POLR3A: variants seen among roughly 807,000 people sequenced by gnomAD.
The protein encoded by POLR3A is DNA-directed RNA polymerase III subunit RPC1.
In POLR3A, 112 loss-of-function variants were observed where a neutral mutation model predicts 152.8. The ratio of observed to expected loss-of-function variants is 0.73; its 90% CI spans 0.63 to 0.86. The LOEUF is 0.86. POLR3A is among the 40% of genes least tolerant of loss of function. The pLI is 0.00. For synonymous variants in POLR3A, 615 were observed against 652.1 expected (o/e 0.94, Z 0.87); for missense variants, 1,385 against 1,743.1 (o/e 0.79, Z 3.66).
Position 77,982,643 on chromosome 10 carries a change from T to C in POLR3A, c.3594+10A>G, listed in dbSNP as rs745349230. The C allele has an allele frequency of 1.2e-6, 2 of 1,612,200 alleles. No homozygotes were observed. Among genetic ancestry groups the C allele is most frequent in the Non-Finnish European group, 8.5e-7 (1 of 1,179,640 alleles). On this transcript the variant is annotated intron_variant, in intron 27 of 30. Transcript: ENST00000372371. Reference sequence around the variant, plus strand: ...TGCTGGGTCTCCATGAGAAGCGACTTCTGTTTCACCTTGGGGAGATCCTCT... The same window carrying C: ...TGCTGGGTCTCCATGAGAAGCGACTCCTGTTTCACCTTGGGGAGATCCTCT...
At chr10:78,029,254 C>G in intron 1 of POLR3A, 110 bp downstream of exon 1, 57 of 1,062,612 alleles carry the variant, frequency 5.4e-5, no homozygotes, top group Non-Finnish European at 7.9e-5. Context: ...GGACTACTGG[C>G]CCTCCCCTTC....
intron 1 of POLR3A, among the ~76,000 whole-genome samples, chr10:78,028,073 A>T (rs1186745979): frequency 6.6e-6 from 1 of 152,220 alleles, no homozygotes; most frequent in African/African-American, 2.4e-5. Flanking sequence ...CAGCTGCCCA[A>T]GCAAGGCATT....
rs1847446638 is a variant in POLR3A, at chr10:78,009,727, C to A, written c.1771-52G>T. On this transcript the variant is annotated intron_variant, in intron 13 of 30. Coordinates refer to ENST00000372371, the MANE Select transcript of POLR3A (RefSeq NM_007055.4). The stretch of plus-strand genomic sequence containing the variant: ...CAGTGGGCTGAGCCTGGTCTCAATC[C>A]CCCTTCAGTAGACGAAGCCAGGCGG... 5.6e-6 allele frequency: 9 copies of A among 1,613,892 alleles called. No individual in the cohort carries two copies. In the East Asian group the frequency reaches 2.0e-4, roughly 36 times the overall value.
At chr10:78,013,502 G>C in intron 11 of POLR3A, 148 bp downstream of exon 11, 1 of 759,120 alleles carries the variant, frequency 1.3e-6, no homozygotes, top group Non-Finnish European at 2.3e-6. Context: ...TAAAAAGAGA[G>C]ATATATAGGC....
intron 21 of POLR3A, 62 bp downstream of exon 21, chr10:77,990,992 G>A: frequency 2.2e-6 from 2 of 919,620 alleles, no homozygotes; most frequent in East Asian, 4.9e-5. Context: ...CCAGCCCTTG[G>A]CAAACAGAGT....
chr10:77,977,417 ATAC>A lies in POLR3A; in HGVS notation c.*58_*60del. On this transcript the variant is annotated 3_prime_UTR_variant, in exon 31 of 31. Coordinates refer to ENST00000372371, the MANE Select transcript of POLR3A (RefSeq NM_007055.4). ...CGTCCCAGGGAGCACAAAACTCTTT[ATAC>A]ATCAGCTGGAGACAGGACAAGGAGT... The A allele has an allele frequency of 6.3e-7, 1 of 1,578,084 alleles. No individual in the cohort carries two copies.
At chr10:77,993,073 C>T in intron 20 of POLR3A, 124 bp downstream of exon 20, 1 of 823,702 alleles carries the variant, frequency 1.2e-6, no homozygotes, top group Non-Finnish European at 2.1e-6. Flanking sequence ...AGATACTAAT[C>T]CAGTGCTTGG....
At chr10:77,999,714 A>G (rs575257817) in intron 19 of POLR3A, among the ~76,000 whole-genome samples, 1 of 152,312 alleles carries the variant, frequency 6.6e-6, no homozygotes, top group Admixed American at 6.5e-5. Context: ...CATATCCCAC[A>G]ATGTACTTCC....
intron 12 of POLR3A, among the ~76,000 whole-genome samples, 166 bp downstream of exon 12, chr10:78,010,304 GA>G (rs3832673): frequency 0.035 from 4,724 of 133,650 alleles, 228 homozygotes; most frequent in African/African-American, 0.11. Context: ...AAAAAAAAAA[GA>G]AAAAAAAAAA....
intron 10 of POLR3A, 97 bp downstream of exon 10, chr10:78,017,478 T>A: frequency 2.4e-6 from 3 of 1,251,620 alleles, no homozygotes; most frequent in Non-Finnish European, 1.1e-6. Context: ...AAACTTGAGA[T>A]AACAGGCAAT....
Position 78,021,594 on chromosome 10 carries a change from C to T in POLR3A, c.1137G>A (p.Glu379=), listed in dbSNP as rs1182788283. Residue 379 remains glutamate, a synonymous_variant, in exon 8 of 31, where the codon GAG becomes GAA. Coordinates refer to ENST00000372371, the MANE Select transcript of POLR3A (RefSeq NM_007055.4). ...TGGCCACATGAACTGGCACAGCTAC[C>T]TCATCAATCCGGAGGTTGGGGTCGG... is the stretch of plus-strand genomic sequence containing the variant. ...ISPDPNLRID[E]VAVPVHVAKI... The T allele has an allele frequency of 2.5e-6, 4 of 1,613,990 alleles. No individual in the cohort carries two copies. The highest frequency in any genetic ancestry group is 1.7e-5 in the Admixed American group (1 of 59,986).
chr10:77,980,748 T>C (rs1240532541), intron 29 of POLR3A, among the ~76,000 whole-genome samples: 3 of 152,154 alleles, frequency 2.0e-5, no homozygotes, highest in African/African-American at 4.8e-5. Flanking sequence ...AAAAACTGCA[T>C]GCACACAGTT....
intron 10 of POLR3A, among the ~76,000 whole-genome samples, chr10:78,015,682 C>G (rs540649967): frequency 1.3e-5 from 2 of 148,500 alleles, no homozygotes; most frequent in Non-Finnish European, 3.0e-5. Flanking sequence ...GGTCTCATTA[C>G]GTTGTCTAGG....
At chr10:77,989,847 T>TA (rs577265976) in intron 21 of POLR3A, among the ~76,000 whole-genome samples, 41 of 151,120 alleles carry the variant, frequency 2.7e-4, no homozygotes, top group Non-Finnish European at 5.3e-4. Context: ...ATTTGTTAGT[T>TA]AAAAAAAAAG....
At chr10:77,984,455 T>G (rs1447029195) in intron 24 of POLR3A, among the ~76,000 whole-genome samples, 157 bp from the exon 25 acceptor site, 1 of 152,206 alleles carries the variant, frequency 6.6e-6, no homozygotes, top group African/African-American at 2.4e-5. Flanking sequence ...GCCATTCTCC[T>G]GCCTCAGCCT....
In POLR3A at chr10:78,022,390, G is replaced by C. The variant is rs1382236740; in HGVS notation, c.646-6C>G. 3 of 1,613,112 alleles carry C rather than the reference G, an allele frequency of 1.9e-6. No individual in the cohort carries two copies. In the South Asian group the frequency reaches 3.3e-5, roughly 18 times the overall value. ...ACTAAGGGATTCAAGTTTTCCTATG[G>C]AAACGAAGAAAGGCAGAAATGGAGA... is the stretch of plus-strand genomic sequence containing the variant. On this transcript the variant is annotated splice_region_variant and splice_polypyrimidine_tract_variant and intron_variant, in intron 5 of 30. Transcript: ENST00000372371.
chr10:77,985,819 C>G (rs1173764959), intron 23 of POLR3A, 84 bp downstream of exon 23: 1 of 1,004,102 alleles, frequency 1.0e-6, no homozygotes, highest in Non-Finnish European at 1.6e-6. Flanking sequence ...TGAGCTGGTG[C>G]AGGGTTTTGT....
rs1316333662 is a variant in POLR3A, at chr10:78,002,197, C to A, written c.2359G>T (p.Gly787Cys). The change falls in exon 17 of 31, where the codon GGT becomes TGT. Residue 787 changes from glycine (G) to cysteine (C), a missense_variant and splice_region_variant. Around this residue, in one of 7 missense-constraint regions of POLR3A, gnomAD observed 170 missense variants for 231.2 expected, o/e 0.74. Coordinates refer to ENST00000372371, the MANE Select transcript of POLR3A (RefSeq NM_007055.4). ...GCAGGTGAGAGAGGGGCATGCAGAC[C>A]TTTGGAGCCGCACAGAGCCATGGTG... ...PLTMALCGSK[G>C]SFINISQMIA... 6.4e-7 allele frequency: 1 copy of A among 1,574,514 alleles called. No homozygotes were observed. The highest frequency in any genetic ancestry group is 2.3e-5 in the East Asian group (1 of 43,570).
intron 30 of POLR3A, among the ~76,000 whole-genome samples, chr10:77,979,116 C>G (rs566117898): frequency 7.9e-5 from 12 of 152,320 alleles, no homozygotes; most frequent in Non-Finnish European, 1.5e-4. Context: ...TCTCACCCTT[C>G]TTTATCTTAA....
Sources: gnomAD v4.1 joint callset for allele counts (sites outside exome capture counted in the v4.1 genomes callset) on GRCh38, gnomAD v4.1.1 for gene constraint, gnomAD v4.1.1 regional missense constraint, MANE v1.5 for transcripts, NCBI Gene and HGNC (gene_info 2026-07-23, HGNC 2026-07-21) for gene names.